The following FABP5 variants were observed in gnomAD, a reference collection of about 807,000 sequenced individuals.
The protein encoded by FABP5 is fatty acid-binding protein 5.
In FABP5, 7 loss-of-function variants were observed where a neutral mutation model predicts 16.9. The observed-to-expected ratio is 0.41, with a 90% CI of 0.24 to 0.78. FABP5 has a LOEUF of 0.78. Ranked by LOEUF, FABP5 falls within the 30% of genes least tolerant of loss-of-function variation. The probability of loss-of-function intolerance (pLI) is 0.30; values close to 1 mark genes in which losing one functional copy is unlikely to be tolerated. For missense variants in FABP5, 119 were observed against 159.5 expected (o/e 0.75, Z 1.37); for synonymous variants, 37 against 52.8 (o/e 0.70, Z 1.30).
rs1807866467 is a variant in FABP5 at position 81,283,465 on chromosome 8, T to C, written c.179T>C (p.Leu60Ser). The C allele has an allele frequency of 6.2e-7, 1 of 1,613,204 alleles. No individual in the cohort carries two copies. The highest frequency in any genetic ancestry group is 8.5e-7 in the Non-Finnish European group (1 of 1,179,534). ...CTCACCATAAAAACTGAGAGCACTT[T>C]GAAAACAACACAGTTTTCTTGTACC... is the stretch of plus-strand genomic sequence containing the variant. The part of the protein sequence containing the change: ...KNLTIKTEST[L>S]KTTQFSCTLG... Residue 60 changes from leucine to serine, a missense_variant, in exon 2 of 4, where the codon TTG becomes TCG. By Grantham distance (145) the Leu-to-Ser change is moderately radical. Transcript: ENST00000297258.
At position 81,280,544 on chromosome 8, in the gene FABP5, C is replaced by T; in HGVS notation, c.-52C>T. On this transcript the variant is annotated 5_prime_UTR_variant, in exon 1 of 4. Coordinates refer to ENST00000297258, the MANE Select transcript of FABP5 (RefSeq NM_001444.3). Reference sequence around the variant, plus strand: ...CCGGCGCCGGGTGCCTCACAGCACGCTGCCACGCCGACGCAGACCCCTCTC... The same window carrying T: ...CCGGCGCCGGGTGCCTCACAGCACGTTGCCACGCCGACGCAGACCCCTCTC... 6.5e-7 allele frequency: 1 copy of T among 1,536,992 alleles called. No homozygotes were observed. The highest frequency in any genetic ancestry group is 8.8e-7 in the Non-Finnish European group (1 of 1,139,346).
intron 2 of FABP5, 84 bp from the exon 3 acceptor site, chr8:81,283,789 A>G: frequency 8.6e-7 from 1 of 1,160,844 alleles, no homozygotes; most frequent in Non-Finnish European, 1.2e-6. Flanking sequence ...AGAAGGTGAA[A>G]CAAATGTTGA....
intron 1 of FABP5, 64 bp from the exon 2 acceptor site, chr8:81,283,302 G>C: frequency 2.3e-6 from 3 of 1,312,862 alleles, no homozygotes. Flanking sequence ...TGGAATTATT[G>C]CTTTTATCAT....
chr8:81,282,418 G>A (rs1807845696), intron 1 of FABP5, among the ~76,000 whole-genome samples: 1 of 152,144 alleles, frequency 6.6e-6, no homozygotes, highest in African/African-American at 2.4e-5. Flanking sequence ...GCCCTGAGCT[G>A]GCAAAAGAGA....
At position 81,281,804 on chromosome 8, in the gene FABP5, C is replaced by G. The variant is rs1201051064; in HGVS notation, c.79+1130C>G. 1 of 382,784 alleles carries G rather than the reference C, an allele frequency of 2.6e-6. No homozygotes were observed. The highest frequency in any genetic ancestry group is 3.6e-6 in the Non-Finnish European group (1 of 279,588). 23.7% of individuals were successfully genotyped at this position (382,784 alleles called of 1,614,324 possible). A position where few individuals can be genotyped will look rare whatever the true frequency, so the allele number is the denominator to read the frequency against. On this transcript the variant is annotated intron_variant, in intron 1 of 3. Coordinates refer to ENST00000297258, the MANE Select transcript of FABP5 (RefSeq NM_001444.3). This position sits in a 1 kb window ranked among gnomAD's most constrained non-coding sequence, Gnocchi z 4.5. Reference sequence around the variant, plus strand: ...AAAAATGGACCTTTGTCACAGGCCACTAGGAAGTGAGATGGAGTTAGCATA... The same window carrying G: ...AAAAATGGACCTTTGTCACAGGCCAGTAGGAAGTGAGATGGAGTTAGCATA...
rs887106697 is a variant in FABP5, at chr8:81,281,661, T to C, written c.79+987T>C. The C allele has an allele frequency of 8.5e-5, 84 of 985,394 alleles. No homozygotes were observed. The African/African-American group carries it at 1.3e-3, about 16-fold the overall frequency. 61.0% of individuals were successfully genotyped at this position (985,394 alleles called of 1,614,324 possible). A position where few individuals can be genotyped will look rare whatever the true frequency, so the allele number is the denominator to read the frequency against. Reference sequence around the variant, plus strand: ...CTTCTTGAAGCGTTCCGAGGGAGAATGAATCTCAGTAGTAAGATTCATTTC... The same window carrying C: ...CTTCTTGAAGCGTTCCGAGGGAGAACGAATCTCAGTAGTAAGATTCATTTC... On this transcript the variant is annotated intron_variant, in intron 1 of 3. Transcript: ENST00000297258. This position sits in a 1 kb window ranked among gnomAD's most constrained non-coding sequence, Gnocchi z 4.5.
intron 1 of FABP5, chr8:81,283,165 A>G (rs928748730): frequency 9.0e-6 from 4 of 442,542 alleles, no homozygotes; most frequent in Non-Finnish European, 1.2e-5. Flanking sequence ...TCTGCCTTTT[A>G]CAGGGCTGTT....
intron 1 of FABP5, among the ~76,000 whole-genome samples, chr8:81,282,167 A>AGTGTGTGT (rs10700115): frequency 0.019 from 2,812 of 147,738 alleles, 33 homozygotes; most frequent in Non-Finnish European, 0.026. Context: ...AATAAATAAC[A>AGTGTGTGT]GTGTGTGTGT....
At chr8:81,283,577 G>C (rs752537815) in intron 2 of FABP5, 39 bp downstream of exon 2, 1 of 1,565,150 alleles carries the variant, frequency 6.4e-7, no homozygotes, top group South Asian at 1.2e-5. Flanking sequence ...GAAGCTTCTA[G>C]AATGATAGGC....
Position 81,281,400 on chromosome 8 carries a change from G to C in FABP5, c.79+726G>C. On this transcript the variant is annotated intron_variant, in intron 1 of 3. Transcript: ENST00000297258. The surrounding 1 kb of genome is among the most constrained non-coding windows in gnomAD (Gnocchi z 4.5). Reference sequence around the variant, plus strand: ...AGGGCCCCCGAGAAGCGTGGCGCTGGCGGTGCCGACCTGCTGCTGGCACTG... The same window carrying C: ...AGGGCCCCCGAGAAGCGTGGCGCTGCCGGTGCCGACCTGCTGCTGGCACTG... 1 of 986,060 alleles carries C rather than the reference G, an allele frequency of 1.0e-6. No homozygotes were observed. The highest frequency in any genetic ancestry group is 1.2e-6 in the Non-Finnish European group (1 of 830,532). The allele number at this position is 986,060 out of a possible 1,614,324, so 61.1% of individuals were successfully genotyped here. A position where few individuals can be genotyped will look rare whatever the true frequency, so the allele number is the denominator to read the frequency against.
In FABP5 at chr8:81,281,003, C is replaced by A; in HGVS notation, c.79+329C>A. The stretch of plus-strand genomic sequence containing the variant: ...GCATTGCTTCCTGTCCTTTAGCGCG[C>A]GCACCCGTCACCTCACGCTGCACTT... On this transcript the variant is annotated intron_variant, in intron 1 of 3. Transcript: ENST00000297258. The surrounding 1 kb of genome is among the most constrained non-coding windows in gnomAD (Gnocchi z 4.5). 1 of 277,276 alleles carries A rather than the reference C, an allele frequency of 3.6e-6. No homozygotes were observed. 17.2% of individuals were successfully genotyped at this position (277,276 alleles called of 1,614,324 possible).
intron 1 of FABP5, 126 bp downstream of exon 1, chr8:81,280,800 A>C: frequency 1.2e-6 from 1 of 823,842 alleles, no homozygotes; most frequent in Non-Finnish European, 1.9e-6. Context: ...ATCCCCTCCC[A>C]TCTTCCCCAC....
intron 2 of FABP5, 100 bp from the exon 3 acceptor site, chr8:81,283,771 CAG>C: frequency 4.7e-6 from 5 of 1,064,544 alleles, no homozygotes; most frequent in Non-Finnish European, 6.8e-6. Context: ...GAAGTAGACT[CAG>C]AAAGGAGAAG....
In FABP5 at chr8:81,281,870, A is replaced by T. The variant is rs368033351; in HGVS notation, c.79+1196A>T. On this transcript the variant is annotated intron_variant, in intron 1 of 3. Transcript: ENST00000297258. This position sits in a 1 kb window ranked among gnomAD's most constrained non-coding sequence, Gnocchi z 4.5. ...GGAAGGGAGCTTCCAGCCCTAAGGGATGGCTGGGATTTATGAGGGTGCTTC... is the reference window on the plus strand; with the variant it reads ...GGAAGGGAGCTTCCAGCCCTAAGGGTTGGCTGGGATTTATGAGGGTGCTTC... 6.6e-6 allele frequency among the ~76,000 whole-genome samples: 1 copy of T among 152,032 alleles called. No individual in the cohort carries two copies. The highest frequency in any genetic ancestry group is 1.5e-5 in the Non-Finnish European group (1 of 68,004).
At chr8:81,280,725 T>C in intron 1 of FABP5, 51 bp downstream of exon 1, 2 of 1,506,892 alleles carry the variant, frequency 1.3e-6, no homozygotes, top group Non-Finnish European at 9.0e-7. Flanking sequence ...TGTGCGGTCG[T>C]CTGTCCCTAG....
intron 1 of FABP5, among the ~76,000 whole-genome samples, chr8:81,282,685 GT>G (rs957508659): frequency 6.6e-6 from 1 of 152,130 alleles, no homozygotes; most frequent in African/African-American, 2.4e-5. Flanking sequence ...CTATGAAATA[GT>G]TTTTATATTG....
rs1472207418 is a variant in FABP5 at position 81,281,535 on chromosome 8, A to G, written c.79+861A>G. ...CTCTGCCACTTGAGGGTGAGGAGGA[A>G]GGAGGCAGTGGGCTTTGCTGGAAAA... On this transcript the variant is annotated intron_variant, in intron 1 of 3. Coordinates refer to ENST00000297258, the MANE Select transcript of FABP5 (RefSeq NM_001444.3). This position sits in a 1 kb window ranked among gnomAD's most constrained non-coding sequence, Gnocchi z 4.5. The G allele has an allele frequency of 1.1e-5, 11 of 985,756 alleles. No homozygotes were observed. Among genetic ancestry groups the G allele is most frequent in the Non-Finnish European group, 1.3e-5 (11 of 830,180 alleles). The allele number at this position is 985,756 out of a possible 1,614,324, so 61.1% of individuals were successfully genotyped here. A position where few individuals can be genotyped will look rare whatever the true frequency, so the allele number is the denominator to read the frequency against.
rs200065410 is a variant in FABP5 at position 81,283,903 on chromosome 8, G to A, written c.283G>A (p.Val95Ile). 106 of 1,612,820 alleles carry A rather than the reference G, an allele frequency of 6.6e-5. No homozygotes were observed. The highest frequency in any genetic ancestry group is 8.3e-5 in the Admixed American group (5 of 60,012). The change falls in exon 3 of 4, where the codon GTT becomes ATT. Residue 95 changes from valine (V) to isoleucine (I), a missense_variant. Coordinates refer to ENST00000297258, the MANE Select transcript of FABP5 (RefSeq NM_001444.3). ...TVCNFTDGALVQHQEWDGKES... is the reference protein window; with the variant it reads ...TVCNFTDGALIQHQEWDGKES... ...CTGCAACTTTACAGATGGTGCATTG[G>A]TTCAGCATCAGGAGTGGGATGGGAA...
intron 1 of FABP5, 87 bp from the exon 2 acceptor site, chr8:81,283,279 A>G (rs1266876184): frequency 1.2e-5 from 14 of 1,160,040 alleles, no homozygotes; most frequent in Non-Finnish European, 1.6e-5. Flanking sequence ...TATGCCGCAC[A>G]AAGTGATTAC....
Sources: allele counts gnomAD v4.1 joint callset (sites outside exome capture counted in the v4.1 genomes callset), GRCh38; gene constraint gnomAD v4.1.1; non-coding constraint Gnocchi (gnomAD v3.1); transcripts MANE v1.5; gene names NCBI Gene and HGNC (gene_info 2026-07-23, HGNC 2026-07-21).